Variants in IL1RAP observed in about 807,000 individuals in gnomAD.
The protein encoded by IL1RAP is interleukin-1 receptor accessory protein.
IL1RAP carries 35 observed loss-of-function variants against 60.7 expected under a neutral mutation model. The observed-to-expected ratio is 0.58, with a 90% CI of 0.44 to 0.76. The LOEUF (loss-of-function observed/expected upper bound fraction) is 0.76. Ranked by LOEUF, IL1RAP falls within the 30% of genes least tolerant of loss-of-function variation. IL1RAP has a pLI of 0.00. For synonymous variants in IL1RAP, 268 were observed against 250.9 expected (o/e 1.07, Z -0.64); for missense variants, 572 against 693.9 (o/e 0.82, Z 1.97).
chr3:190,515,652 G>A (rs1721447351), intron 1 of IL1RAP, among the ~76,000 whole-genome samples: 1 of 151,990 alleles, frequency 6.6e-6, no homozygotes, highest in South Asian at 2.1e-4. Context: ...CCTGTGAACT[G>A]CCCTGATCTG....
At chr3:190,519,349 G>A (rs948484509) in intron 1 of IL1RAP, among the ~76,000 whole-genome samples, 1 of 151,956 alleles carries the variant, frequency 6.6e-6, no homozygotes, top group Non-Finnish European at 1.5e-5. Flanking sequence ...GCATTTCATC[G>A]GCACATGTAC....
chr3:190,605,310 T>C (rs950933994), intron 4 of IL1RAP, among the ~76,000 whole-genome samples: 40 of 150,804 alleles, frequency 2.7e-4, no homozygotes, highest in East Asian at 7.8e-4. Context: ...CTTTTTTTTT[T>C]CTGCATTAAT....
At chr3:190,551,052 G>C (rs554822094) in intron 1 of IL1RAP, among the ~76,000 whole-genome samples, 11 of 152,266 alleles carry the variant, frequency 7.2e-5, no homozygotes, top group African/African-American at 2.6e-4. Flanking sequence ...CCTAACCATG[G>C]GTTTGTATCT....
intron 3 of IL1RAP, among the ~76,000 whole-genome samples, chr3:190,574,837 C>T (rs936872067): frequency 6.6e-6 from 1 of 152,158 alleles, no homozygotes; most frequent in Admixed American, 6.5e-5. Flanking sequence ...GAATAACTGT[C>T]ACTTGGGCTC....
At chr3:190,533,408 T>C (rs1723157848) in intron 1 of IL1RAP, among the ~76,000 whole-genome samples, 1 of 152,192 alleles carries the variant, frequency 6.6e-6, no homozygotes, top group Admixed American at 6.5e-5. Flanking sequence ...TGAGATTCTG[T>C]CTTGAATTCA....
chr3:190,549,631 A>T (rs1034253112), intron 1 of IL1RAP, among the ~76,000 whole-genome samples: 2 of 152,202 alleles, frequency 1.3e-5, no homozygotes, highest in African/African-American at 4.8e-5. Flanking sequence ...GTTTGCACAG[A>T]GAGAGGCCAA....
chr3:190,561,190 A>G (rs1000941727), intron 2 of IL1RAP, among the ~76,000 whole-genome samples: 1 of 151,984 alleles, frequency 6.6e-6, no homozygotes, highest in Admixed American at 6.6e-5. Context: ...GCACCCTCTC[A>G]CTCTAAGACG....
intron 9 of IL1RAP, among the ~76,000 whole-genome samples, chr3:190,631,333 G>A (rs1441189684): frequency 2.0e-5 from 3 of 152,162 alleles, no homozygotes; most frequent in Non-Finnish European, 4.4e-5. Context: ...GCACAAGTTT[G>A]CCTCCCAGAG....
intron 9 of IL1RAP, among the ~76,000 whole-genome samples, chr3:190,631,112 G>C (rs1444848590): frequency 6.6e-6 from 1 of 152,200 alleles, no homozygotes; most frequent in Non-Finnish European, 1.5e-5. Flanking sequence ...GTGAACATTT[G>C]ATGGGAATAT....
chr3:190,619,367 A>G (rs556554047), intron 5 of IL1RAP, among the ~76,000 whole-genome samples: 1 of 152,290 alleles, frequency 6.6e-6, no homozygotes, highest in South Asian at 2.1e-4. Flanking sequence ...GCAGAAATAC[A>G]TTCCTAGATC....
At chr3:190,625,917 A>G (rs1409755635) in intron 7 of IL1RAP, among the ~76,000 whole-genome samples, 2 of 152,170 alleles carry the variant, frequency 1.3e-5, no homozygotes, top group East Asian at 3.8e-4. Context: ...TATCTTTCTT[A>G]GTGACATACA....
At chr3:190,600,133 G>A (rs541056478) in intron 3 of IL1RAP, among the ~76,000 whole-genome samples, 1 of 152,250 alleles carries the variant, frequency 6.6e-6, no homozygotes, top group Non-Finnish European at 1.5e-5. Flanking sequence ...AATTCTAAAT[G>A]TGAGTGTGAA....
chr3:190,659,531 G>A lies in IL1RAP; in HGVS notation c.*2924G>A, dbSNP rs1017635763. On this transcript the variant is annotated 3_prime_UTR_variant, in exon 12 of 12. Coordinates refer to the IL1RAP transcript ENST00000317757. ...CAATGAAGCAAATTATAATAAGAAAGAAATTTTTTTCATGGGCCATGCATA... is the reference window on the plus strand; with the variant it reads ...CAATGAAGCAAATTATAATAAGAAAAAAATTTTTTTCATGGGCCATGCATA... The A allele has an allele frequency of 2.6e-5, 4 of 152,258 alleles. No homozygotes were observed. In the East Asian group the frequency reaches 7.7e-4, roughly 29 times the overall value. 9.4% of individuals were successfully genotyped at this position (152,258 alleles called of 1,614,324 possible). A position where few individuals can be genotyped will look rare whatever the true frequency, so the allele number is the denominator to read the frequency against.
In IL1RAP at chr3:190,604,196, A is replaced by G. The variant is rs770012788; in HGVS notation, c.133A>G (p.Ile45Val). 20 of 1,614,096 alleles carry G rather than the reference A, an allele frequency of 1.2e-5. No individual in the cohort carries two copies. Among genetic ancestry groups the G allele is most frequent in the Middle Eastern group, 3.3e-4 (2 of 6,060 alleles). ...IQVFEDEPAR[I>V]KCPLFEHFLK... The stretch of plus-strand genomic sequence containing the variant: ...AGTGTTTGAAGATGAGCCAGCTCGC[A>G]TCAAGTGCCCACTCTTTGAACACTT... The change falls in exon 4 of 12, where the codon ATC becomes GTC. Residue 45 changes from isoleucine to valine, a missense_variant. Coordinates refer to ENST00000447382, the MANE Select transcript of IL1RAP (RefSeq NM_002182.4).
At chr3:190,653,703 A>G (rs1734502962), downstream of IL1RAP, among the ~76,000 whole-genome samples, 1 of 152,182 alleles carries the variant, frequency 6.6e-6, no homozygotes, top group Non-Finnish European at 1.5e-5. Context: ...AGTACCACAC[A>G]AGAAAACAAA....
intron 6 of IL1RAP, among the ~76,000 whole-genome samples, chr3:190,623,010 G>A (rs994093538): frequency 2.6e-5 from 4 of 152,110 alleles, no homozygotes; most frequent in Admixed American, 2.6e-4. Flanking sequence ...AGATTCCAAA[G>A]GTCTTAGAAG....
At chr3:190,630,280 C>G (rs1732674373) in intron 9 of IL1RAP, 1 of 832,380 alleles carries the variant, frequency 1.2e-6, no homozygotes, top group Admixed American at 6.2e-5. Flanking sequence ...AAGTGCTGCT[C>G]CTAAATCAGA....
chr3:190,636,678 C>T (rs1342262839), intron 9 of IL1RAP, among the ~76,000 whole-genome samples: 1 of 152,002 alleles, frequency 6.6e-6, no homozygotes, highest in Non-Finnish European at 1.5e-5. Flanking sequence ...CTATCAGCAT[C>T]TTTATGCTTT....
intron 3 of IL1RAP, among the ~76,000 whole-genome samples, chr3:190,576,753 T>G (rs1023666601): frequency 1.3e-4 from 20 of 152,170 alleles, no homozygotes; most frequent in African/African-American, 4.8e-4. Context: ...GAACCATACA[T>G]GCTATATTCT....
Sources: allele counts gnomAD v4.1 joint callset (sites outside exome capture counted in the v4.1 genomes callset), GRCh38; gene constraint gnomAD v4.1.1; transcripts MANE v1.5; gene names NCBI Gene and HGNC (gene_info 2026-07-23, HGNC 2026-07-21).